MED26: variants seen among roughly 807,000 people sequenced by gnomAD.
The protein encoded by MED26 is mediator of RNA polymerase II transcription subunit 26.
MED26 carries 7 observed loss-of-function variants against 43.7 expected under a neutral mutation model. That is an observed-to-expected ratio of 0.16 (90% CI 0.09 to 0.30). The LOEUF (loss-of-function observed/expected upper bound fraction) is 0.30. Ranked by LOEUF, MED26 falls within the 10% of genes least tolerant of loss-of-function variation. The pLI, the probability that MED26 is intolerant of heterozygous loss-of-function variation, is 1.00. For synonymous variants in MED26, 375 were observed against 371.1 expected (o/e 1.01, Z -0.12); for missense variants, 784 against 840.6 (o/e 0.93, Z 0.83).
chr19:16,584,188 G>T (rs2086059527), intron 1 of MED26, among the ~76,000 whole-genome samples: 1 of 151,852 alleles, frequency 6.6e-6, no homozygotes, highest in Non-Finnish European at 1.5e-5. Flanking sequence ...GGGAGGCGGA[G>T]GTTGCAATGA....
At chr19:16,611,447 G>A (rs1438728506) in intron 1 of MED26, 1 of 152,182 alleles carries the variant, frequency 6.6e-6, no homozygotes, top group Non-Finnish European at 1.5e-5. Context: ...GCAGTACATA[G>A]AGGCCCGCAA....
At chr19:16,622,670 C>T (rs2086257209) in intron 1 of MED26, among the ~76,000 whole-genome samples, 1 of 152,174 alleles carries the variant, frequency 6.6e-6, no homozygotes, top group Admixed American at 6.5e-5. Flanking sequence ...ACAAACTTGG[C>T]CACCCATTCT....
At chr19:16,622,587 G>C (rs2086256856) in intron 1 of MED26, among the ~76,000 whole-genome samples, 1 of 152,176 alleles carries the variant, frequency 6.6e-6, no homozygotes, top group Admixed American at 6.5e-5. Flanking sequence ...TGTTTTGGAA[G>C]GTGCTCCAAG....
chr19:16,576,662 C>T lies in MED26; in HGVS notation c.1168G>A (p.Asp390Asn). 2.5e-6 allele frequency: 4 copies of T among 1,614,164 alleles called. No homozygotes were observed. Among genetic ancestry groups the T allele is most frequent in the Non-Finnish European group, 3.4e-6 (4 of 1,180,040 alleles). The change falls in exon 3 of 3, where the codon GAC becomes AAC. Residue 390 changes from aspartate to asparagine, a missense_variant. Asp to Asn is a conservative substitution (Grantham distance 23). Around this residue, in one of 3 missense-constraint regions of MED26, gnomAD observed 719 missense variants for 730.9 expected, o/e 0.98. Coordinates refer to ENST00000263390, the MANE Select transcript of MED26 (RefSeq NM_004831.5). The surrounding 1 kb of genome is among the most constrained non-coding windows in gnomAD (Gnocchi z 6.8). ...DSDAASSGGS[D>N]SKKKKRYRPR... Reference sequence around the variant, plus strand: ...CGGTACCTCTTCTTCTTTTTACTGTCCGAGCCCCCTGAGGAGGCAGCATCA... The same window carrying T: ...CGGTACCTCTTCTTCTTTTTACTGTTCGAGCCCCCTGAGGAGGCAGCATCA...
chr19:16,586,875 CG>C lies in MED26; in HGVS notation c.73-8467del, dbSNP rs2086073049. ...TCAGTGGCAAAGCACCTGTAAAAAC[CG>C]GTTCACTTTAAAAACAACAATGGGG... On this transcript the variant is annotated intron_variant, in intron 1 of 2. Transcript: ENST00000263390. The surrounding 1 kb of genome is among the most constrained non-coding windows in gnomAD (Gnocchi z 5.1). The C allele has an allele frequency of 6.6e-6, 1 of 151,846 alleles. No homozygotes were observed. The highest frequency in any genetic ancestry group is 2.4e-5 in the African/African-American group (1 of 41,322). The allele number at this position is 151,846 out of a possible 1,614,324, so 9.4% of individuals were successfully genotyped here. A position where few individuals can be genotyped will look rare whatever the true frequency, so the allele number is the denominator to read the frequency against.
chr19:16,593,024 G>A (rs1207363136), intron 1 of MED26, among the ~76,000 whole-genome samples: 2 of 152,236 alleles, frequency 1.3e-5, no homozygotes, highest in Admixed American at 6.5e-5. Context: ...CGACTCTGTA[G>A]GTGGGCCAAG....
Position 16,575,621 on chromosome 19 carries a change from C to T in MED26, c.*406G>A, listed in dbSNP as rs2085989901. On this transcript the variant is annotated 3_prime_UTR_variant, in exon 3 of 3. Coordinates refer to ENST00000263390, the MANE Select transcript of MED26 (RefSeq NM_004831.5). ...TGCAAGAGAGATGAGATGCGTGCTT[C>T]TGTTGCTGTGTTAAAGGTGACCTCT... The T allele has an allele frequency of 1.6e-5, 3 of 189,730 alleles. No homozygotes were observed. In the Admixed American group the frequency reaches 1.6e-4, roughly 10 times the overall value. The allele number at this position is 189,730 out of a possible 1,614,324, so 11.8% of individuals were successfully genotyped here.
In MED26 at chr19:16,604,691, TACTC is replaced by T. The variant is rs1428087377; in HGVS notation, c.72+23177_72+23180del. On this transcript the variant is annotated intron_variant, in intron 1 of 2. Transcript: ENST00000263390. Reference sequence around the variant, plus strand: ...GCCAGGTTTGCTGGGTGACACCTGTTACTCACTGTCATTCTTAATAGCACCTCAT... The same window carrying T: ...GCCAGGTTTGCTGGGTGACACCTGTTACTGTCATTCTTAATAGCACCTCAT... Among the ~76,000 whole-genome samples, 5 of 152,316 alleles carry T rather than the reference TACTC, an allele frequency of 3.3e-5. No homozygotes were observed. The East Asian group carries it at 5.8e-4, about 18-fold the overall frequency.
chr19:16,576,435 C>T lies in MED26; in HGVS notation c.1395G>A (p.Lys465=), dbSNP rs767758931. The change falls in exon 3 of 3, where the codon AAG becomes AAA. Residue 465 remains lysine (K), a synonymous_variant. Coordinates refer to ENST00000263390, the MANE Select transcript of MED26 (RefSeq NM_004831.5). The surrounding 1 kb of genome is among the most constrained non-coding windows in gnomAD (Gnocchi z 6.8). The stretch of plus-strand genomic sequence containing the variant: ...GTTCGAAGGGGCTCTGGAGGCTGGC[C>T]TTGGCCTCCTGCTTGTCCAGCTCTG... ...SRTELDKQEA[K]ASLQSPFEQT... The T allele has an allele frequency of 6.2e-7, 1 of 1,614,164 alleles. No individual in the cohort carries two copies. Among genetic ancestry groups the T allele is most frequent in the East Asian group, 2.2e-5 (1 of 44,880 alleles).
rs893147937 is a variant in MED26 at position 16,628,080 on chromosome 19, G to C, written c.-137C>G. The C allele has an allele frequency of 1.9e-5, 8 of 430,120 alleles. No individual in the cohort carries two copies. Among genetic ancestry groups the C allele is most frequent in the South Asian group, 9.0e-5 (1 of 11,086 alleles). The allele number at this position is 430,120 out of a possible 1,614,324, so 26.6% of individuals were successfully genotyped here. ...CGGCGCCGGGGGGTTGGGGGCGCGC[G>C]GGGTGGCGGAGAGGGGAGCCGGGGC... On this transcript the variant is annotated 5_prime_UTR_variant, in exon 1 of 3. Transcript: ENST00000263390.
chr19:16,619,264 T>G (rs1421324975), intron 1 of MED26, among the ~76,000 whole-genome samples: 2 of 152,256 alleles, frequency 1.3e-5, no homozygotes, highest in Admixed American at 1.3e-4. Context: ...GCTTGCTGAC[T>G]GCTTGCCTAG....
Position 16,576,955 on chromosome 19 carries a change from G to T in MED26, c.875C>A (p.Ala292Glu). The change falls in exon 3 of 3, where the codon GCA becomes GAA. Residue 292 changes from alanine (A) to glutamate (E), a missense_variant. Coordinates refer to ENST00000263390, the MANE Select transcript of MED26 (RefSeq NM_004831.5). This position sits in a 1 kb window ranked among gnomAD's most constrained non-coding sequence, Gnocchi z 6.8. ...GSFARQQSLY[A>E]PKGSVPSPSP... Reference sequence around the variant, plus strand: ...GGGGCTGGGCACGGAGCCCTTGGGTGCATACAAGCTCTGCTGCCGGGCAAA... The same window carrying T: ...GGGGCTGGGCACGGAGCCCTTGGGTTCATACAAGCTCTGCTGCCGGGCAAA... The T allele has an allele frequency of 6.3e-7, 1 of 1,597,552 alleles. No homozygotes were observed. Among genetic ancestry groups the T allele is most frequent in the Non-Finnish European group, 8.5e-7 (1 of 1,169,978 alleles).
chr19:16,585,527 C>T (rs1483426552), intron 1 of MED26, among the ~76,000 whole-genome samples: 1 of 152,148 alleles, frequency 6.6e-6, no homozygotes, highest in Admixed American at 6.5e-5. Context: ...CCAGGACCTG[C>T]CCAGCCCCAG....
intron 1 of MED26, among the ~76,000 whole-genome samples, chr19:16,619,758 G>A (rs73516965): frequency 3.3e-4 from 51 of 152,278 alleles, no homozygotes; most frequent in African/African-American, 1.1e-3. Flanking sequence ...CACAGCCAAC[G>A]CCCTATAAAA....
intron 1 of MED26, among the ~76,000 whole-genome samples, chr19:16,612,541 C>T (rs1444562057): frequency 6.6e-6 from 1 of 152,216 alleles, no homozygotes; most frequent in Non-Finnish European, 1.5e-5. Context: ...CCACCTCGGT[C>T]TCCCAAAGTG....
chr19:16,588,134 C>G (rs1008546843), intron 1 of MED26: 6 of 152,282 alleles, frequency 3.9e-5, no homozygotes, highest in African/African-American at 1.2e-4. Context: ...CAAAGCTCAT[C>G]TGTAAATTGA....
Position 16,587,011 on chromosome 19 carries a change from C to T in MED26, c.73-8602G>A, listed in dbSNP as rs1177274883. On this transcript the variant is annotated intron_variant, in intron 1 of 2. Coordinates refer to ENST00000263390, the MANE Select transcript of MED26 (RefSeq NM_004831.5). The surrounding 1 kb of genome is among the most constrained non-coding windows in gnomAD (Gnocchi z 4.9). ...AAGTGTTCATCAGCAAGCAAGCTGT[C>T]CTTCCAAACCCAAACATGCCACAGA... 1 of 151,934 alleles carries T rather than the reference C, an allele frequency of 6.6e-6. No individual in the cohort carries two copies. Among genetic ancestry groups the T allele is most frequent in the Non-Finnish European group, 1.5e-5 (1 of 68,004 alleles). 9.4% of individuals were successfully genotyped at this position (151,934 alleles called of 1,614,324 possible). A position where few individuals can be genotyped will look rare whatever the true frequency, so the allele number is the denominator to read the frequency against.
At position 16,597,533 on chromosome 19, in the gene MED26, T is replaced by C. The variant is rs1282865684; in HGVS notation, c.73-19124A>G. 4 of 398,446 alleles carry C rather than the reference T, an allele frequency of 1.0e-5. No homozygotes were observed. The East Asian group carries it at 1.1e-4, about 11-fold the overall frequency. 24.7% of individuals were successfully genotyped at this position (398,446 alleles called of 1,614,324 possible). ...TGCCTGGGTGAGCATCAGGTTAAGT[T>C]TGTTTGCAAAGTTTGCCATCGGAAA... On this transcript the variant is annotated intron_variant, in intron 1 of 2. Transcript: ENST00000263390.
intron 1 of MED26, among the ~76,000 whole-genome samples, chr19:16,602,834 G>A (rs2086156002): frequency 6.6e-6 from 1 of 152,164 alleles, no homozygotes; most frequent in African/African-American, 2.4e-5. Flanking sequence ...GGCTCGGGAA[G>A]GGGAGGGACG....
Sources: gnomAD v4.1 joint callset for allele counts (sites outside exome capture counted in the v4.1 genomes callset) on GRCh38, gnomAD v4.1.1 for gene constraint, gnomAD v4.1.1 regional missense constraint, Gnocchi (gnomAD v3.1) non-coding constraint, MANE v1.5 for transcripts, NCBI Gene and HGNC (gene_info 2026-07-23, HGNC 2026-07-21) for gene names.